Variants in RBFOX1 observed in about 807,000 individuals in gnomAD.
RBFOX1 encodes the protein RNA binding protein fox-1 homolog 1.
A neutral mutation model predicts 57.7 loss-of-function variants in RBFOX1; 8 were observed. The observed-to-expected ratio is 0.14, with a 90% CI of 0.08 to 0.25. RBFOX1 has a LOEUF of 0.25. Ranked by LOEUF, RBFOX1 falls within the 10% of genes least tolerant of loss-of-function variation. The pLI is 1.00. For missense variants in RBFOX1, 611 were observed against 548.5 expected (o/e 1.11, Z -1.14); for synonymous variants, 326 against 222.4 (o/e 1.47, Z -4.15).
chr16:5,579,794 C>G (rs1311174065), intron 2 of RBFOX1, among the ~76,000 whole-genome samples: 1 of 149,988 alleles, frequency 6.7e-6, no homozygotes, highest in Non-Finnish European at 1.5e-5. Context: ...GAGTCTCGCT[C>G]TGTTGCCTAG....
chr16:6,971,242 A>C (rs1242509472), intron 3 of RBFOX1, among the ~76,000 whole-genome samples: 1 of 152,170 alleles, frequency 6.6e-6, no homozygotes, highest in African/African-American at 2.4e-5. Context: ...CTGAATTGTT[A>C]TGGGGATGGG....
chr16:7,139,561 C>G (rs887526606), intron 4 of RBFOX1, among the ~76,000 whole-genome samples: 9 of 152,048 alleles, frequency 5.9e-5, no homozygotes, highest in African/African-American at 1.9e-4. Context: ...TGTGCTGGAT[C>G]AAGGGTAAGG....
chr16:6,834,953 C>T (rs145700535), intron 3 of RBFOX1, among the ~76,000 whole-genome samples: 8 of 146,734 alleles, frequency 5.5e-5, no homozygotes, highest in Non-Finnish European at 1.0e-4. Context: ...AGTGCAGTGG[C>T]GCGATCTTGG....
At chr16:7,082,296 C>G (rs897841491) in intron 4 of RBFOX1, among the ~76,000 whole-genome samples, 1 of 151,914 alleles carries the variant, frequency 6.6e-6, no homozygotes, top group Non-Finnish European at 1.5e-5. Flanking sequence ...AATGAAGGTT[C>G]CAGGCTGGGC....
chr16:6,399,651 A>G (rs1296039848), intron 2 of RBFOX1, among the ~76,000 whole-genome samples: 1 of 152,176 alleles, frequency 6.6e-6, no homozygotes. Context: ...CCCAGTTCCA[A>G]AGTCACTTCC....
At chr16:6,621,679 A>C (rs1459324227) in intron 2 of RBFOX1, among the ~76,000 whole-genome samples, 1 of 152,200 alleles carries the variant, frequency 6.6e-6, no homozygotes, top group Non-Finnish European at 1.5e-5. Flanking sequence ...CCCCATTGCA[A>C]ACAGAGCAAA....
At chr16:7,436,610 G>A (rs182230017) in intron 4 of RBFOX1, among the ~76,000 whole-genome samples, 38 of 152,326 alleles carry the variant, frequency 2.5e-4, no homozygotes, top group African/African-American at 7.9e-4. Context: ...GATTGGCGCT[G>A]GGTTAACTCT....
chr16:5,703,483 A>T (rs913759164), intron 3 of RBFOX1, among the ~76,000 whole-genome samples: 2 of 152,166 alleles, frequency 1.3e-5, no homozygotes, highest in African/African-American at 4.8e-5. Context: ...CCAGAGTACA[A>T]ATATCACAGA....
chr16:7,075,563 A>C (rs751702225), intron 4 of RBFOX1, among the ~76,000 whole-genome samples: 37 of 148,920 alleles, frequency 2.5e-4, no homozygotes, highest in Admixed American at 6.6e-4. Context: ...ATTTCTTTTT[A>C]TTTTTTCTTT....
chr16:5,363,031 CTTT>C (rs35426149), intron 1 of RBFOX1, among the ~76,000 whole-genome samples: 33 of 95,382 alleles, frequency 3.5e-4, no homozygotes, highest in Middle Eastern at 7.5e-3. Flanking sequence ...GATTTTAATT[CTTT>C]TTTTTTTTTT....
chr16:5,834,577 C>CATAG (rs141276552), intron 3 of RBFOX1, among the ~76,000 whole-genome samples: 43,953 of 147,122 alleles, frequency 0.3, 6,538 homozygotes, highest in Middle Eastern at 0.37. Flanking sequence ...GTGCATGTGT[C>CATAG]ATAGATAGAT....
In RBFOX1 at chr16:6,996,404, T is replaced by A. The variant is rs576250316; in HGVS notation, c.-15-55653T>A. Among the ~76,000 whole-genome samples the A allele has an allele frequency of 9.8e-5, 15 of 152,328 alleles. 1 individual carries two copies. The South Asian group carries it at 3.1e-3, about 32-fold the overall frequency. ...ATATAAACATGTATGTGTGTGCATG[T>A]ATAGGTATCTGGATACACATCTAGA... On this transcript the variant is annotated intron_variant, in intron 3 of 15. Coordinates refer to ENST00000550418, the MANE Select transcript of RBFOX1 (RefSeq NM_018723.4).
intron 2 of RBFOX1, among the ~76,000 whole-genome samples, chr16:6,571,263 C>T (rs890939071): frequency 6.6e-6 from 1 of 152,140 alleles, no homozygotes; most frequent in African/African-American, 2.4e-5. Flanking sequence ...GCTCCCAGGG[C>T]TGAGGGCCTG....
At position 6,284,254 on chromosome 16, in the gene RBFOX1, G is replaced by C. The variant is rs541544109; in HGVS notation, c.-126-32741G>C. ...TTGCTATTGGTACTGAAATTAACCA[G>C]TTTGCTCGATCTCTTTTCCTATGCC... is the stretch of plus-strand genomic sequence containing the variant. On this transcript the variant is annotated intron_variant, in intron 1 of 15. Transcript: ENST00000550418. Among the ~76,000 whole-genome samples the C allele has an allele frequency of 5.3e-5, 8 of 152,252 alleles. No individual in the cohort carries two copies. In the Middle Eastern group the frequency reaches 0.017, roughly 324 times the overall value.
chr16:6,769,163 C>G (rs143247241), intron 3 of RBFOX1, among the ~76,000 whole-genome samples: 160 of 152,302 alleles, frequency 1.1e-3, no homozygotes, highest in African/African-American at 3.6e-3. Flanking sequence ...CATTCCCACG[C>G]TGTTCTCATG....
At chr16:6,396,336 C>G (rs1290885891) in intron 2 of RBFOX1, among the ~76,000 whole-genome samples, 1 of 152,004 alleles carries the variant, frequency 6.6e-6, no homozygotes, top group East Asian at 1.9e-4. Context: ...CCATGTGGTG[C>G]AAGGAAGACG....
At chr16:7,220,121 A>G (rs750315073) in intron 4 of RBFOX1, among the ~76,000 whole-genome samples, 1 of 152,206 alleles carries the variant, frequency 6.6e-6, no homozygotes, top group African/African-American at 2.4e-5. Flanking sequence ...ACCATATTCA[A>G]CAATTGTCCT....
At chr16:6,581,087 C>T (rs542810564) in intron 2 of RBFOX1, among the ~76,000 whole-genome samples, 10 of 152,194 alleles carry the variant, frequency 6.6e-5, no homozygotes, top group African/African-American at 2.4e-4. Context: ...TTTTTCCATG[C>T]TGTGCCTTTT....
chr16:7,574,535 C>T (rs562592153), intron 5 of RBFOX1, among the ~76,000 whole-genome samples: 7 of 152,014 alleles, frequency 4.6e-5, no homozygotes, highest in South Asian at 2.1e-4. Context: ...ACTTGGAGTC[C>T]CATGTTCGAG....
Sources: allele counts gnomAD v4.1 joint callset (sites outside exome capture counted in the v4.1 genomes callset), GRCh38; gene constraint gnomAD v4.1.1; transcripts MANE v1.5; gene names NCBI Gene and HGNC (gene_info 2026-07-23, HGNC 2026-07-21).